The following FAM135B variants were observed in gnomAD, a reference collection of about 807,000 sequenced individuals.
The protein encoded by FAM135B is family with sequence similarity 135 member B, also known as protein FAM135B.
Under a neutral mutation model 127.7 loss-of-function variants are expected in FAM135B, and 43 were observed. That is an observed-to-expected ratio of 0.34 (90% CI 0.26 to 0.43). The LOEUF is 0.43. Ranked by LOEUF, FAM135B falls within the 20% of genes least tolerant of loss-of-function variation. The pLI is 1.00. For missense variants in FAM135B, 1,558 were observed against 1,725.6 expected (o/e 0.90, Z 1.72); for synonymous variants, 670 against 665.1 (o/e 1.01, Z -0.11).
At chr8:138,359,963 T>G (rs1830318435) in intron 2 of FAM135B, among the ~76,000 whole-genome samples, 1 of 152,160 alleles carries the variant, frequency 6.6e-6, no homozygotes, top group Non-Finnish European at 1.5e-5. Context: ...CACTTTTACA[T>G]CAGCTCTGAT....
chr8:138,197,471 C>T (rs2131134794), intron 8 of FAM135B, 45 bp downstream of exon 8: 1 of 1,590,574 alleles, frequency 6.3e-7, no homozygotes, highest in Non-Finnish European at 8.6e-7. Context: ...GTGGAGGAGG[C>T]ACATGAGCTG....
At chr8:138,173,014 C>T (rs2130935645) in intron 11 of FAM135B, among the ~76,000 whole-genome samples, 1 of 152,270 alleles carries the variant, frequency 6.6e-6, no homozygotes, top group Non-Finnish European at 1.5e-5. Context: ...CACATGGTCA[C>T]CTCCTCATCT....
chr8:138,153,003 T>C lies in FAM135B; in HGVS notation c.1472A>G (p.His491Arg), dbSNP rs1463062717. Residue 491 changes from histidine (H) to arginine (R), a missense_variant, in exon 13 of 20, where the codon CAT becomes CGT. Around this residue, in one of 5 missense-constraint regions of FAM135B, gnomAD observed 923 missense variants for 865.3 expected, o/e 1.07. Transcript: ENST00000395297. ...CTGAGATTCAGAGCACATGTCCATA[T>C]GATTTTGTGTGGCCACATTCTCACC... ...EPGENVATQN[H>R]MDMCSESQVY... The C allele has an allele frequency of 6.2e-7, 1 of 1,614,236 alleles. No homozygotes were observed. Among genetic ancestry groups the C allele is most frequent in the South Asian group, 1.1e-5 (1 of 91,088 alleles).
At chr8:138,178,334 A>G (rs908482143) in intron 10 of FAM135B, among the ~76,000 whole-genome samples, 1 of 152,192 alleles carries the variant, frequency 6.6e-6, no homozygotes, top group African/African-American at 2.4e-5. Flanking sequence ...TGAGATTGCC[A>G]AGGCAAGTAT....
intron 4 of FAM135B, among the ~76,000 whole-genome samples, chr8:138,265,064 C>T (rs574767346): frequency 1.6e-4 from 24 of 152,094 alleles, no homozygotes; most frequent in Admixed American, 3.3e-4. Flanking sequence ...ATCAAGTTTC[C>T]AACTAATAAA....
At chr8:138,335,662 C>A (rs1828522593) in intron 2 of FAM135B, among the ~76,000 whole-genome samples, 1 of 152,278 alleles carries the variant, frequency 6.6e-6, no homozygotes, top group Admixed American at 6.5e-5. Context: ...TAATGGGAGA[C>A]TTTAACACCC....
chr8:138,327,448 A>T (rs1827871009), intron 2 of FAM135B, among the ~76,000 whole-genome samples: 1 of 152,208 alleles, frequency 6.6e-6, no homozygotes, highest in Non-Finnish European at 1.5e-5. Flanking sequence ...AATATTCTCA[A>T]AATTTGTCAA....
At chr8:138,357,384 T>C (rs1490454634) in intron 2 of FAM135B, among the ~76,000 whole-genome samples, 1 of 152,184 alleles carries the variant, frequency 6.6e-6, no homozygotes, top group Non-Finnish European at 1.5e-5. Flanking sequence ...TGTAGGGTTA[T>C]TGAAAATGTT....
chr8:138,473,830 C>CAG (rs35738290), intron 1 of FAM135B, among the ~76,000 whole-genome samples: 1,784 of 148,288 alleles, frequency 0.012, 23 homozygotes, highest in African/African-American at 0.039. Flanking sequence ...ATATGAGAGA[C>CAG]AGAGAGAGAG....
chr8:138,462,822 A>G (rs1287661222), intron 1 of FAM135B, among the ~76,000 whole-genome samples: 2 of 152,184 alleles, frequency 1.3e-5, no homozygotes, highest in African/African-American at 2.4e-5. Flanking sequence ...TCCAGAGAAA[A>G]TCTGAAGCTG....
chr8:138,447,503 A>T (rs1836246241), intron 1 of FAM135B, among the ~76,000 whole-genome samples: 1 of 152,168 alleles, frequency 6.6e-6, no homozygotes, highest in Non-Finnish European at 1.5e-5. Context: ...TGTCCTTCGT[A>T]GGGACATGGA....
intron 12 of FAM135B, among the ~76,000 whole-genome samples, chr8:138,155,616 G>T (rs1337872827): frequency 6.6e-6 from 1 of 151,446 alleles, no homozygotes. Context: ...CCAAGCAAAT[G>T]GAAAACAAAA....
chr8:138,244,665 G>A lies in FAM135B; in HGVS notation c.543-1597C>T, dbSNP rs1821145312. Among the ~76,000 whole-genome samples the A allele has an allele frequency of 2.0e-5, 3 of 152,212 alleles. No homozygotes were observed. The South Asian group carries it at 6.2e-4, about 32-fold the overall frequency. Reference sequence around the variant, plus strand: ...AACTCTCTAATTTAGCTATAAGATGGATAGAAGGAACATTCCAGAAGAAAA... The same window carrying A: ...AACTCTCTAATTTAGCTATAAGATGAATAGAAGGAACATTCCAGAAGAAAA... On this transcript the variant is annotated intron_variant, in intron 6 of 19. Coordinates refer to ENST00000395297, the MANE Select transcript of FAM135B (RefSeq NM_015912.4).
At chr8:138,283,090 G>A (rs796619354) in intron 3 of FAM135B, among the ~76,000 whole-genome samples, 4 of 152,034 alleles carry the variant, frequency 2.6e-5, no homozygotes, top group South Asian at 2.1e-4. Context: ...TAGTAGAGAC[G>A]GGGTTTCACC....
At chr8:138,342,060 G>T (rs180786990) in intron 2 of FAM135B, among the ~76,000 whole-genome samples, 10 of 152,284 alleles carry the variant, frequency 6.6e-5, no homozygotes, top group Admixed American at 6.5e-4. Context: ...ATTACTGCTA[G>T]AAACACCTAC....
chr8:138,495,457 C>A (rs1033564397), intron 1 of FAM135B, among the ~76,000 whole-genome samples: 3 of 152,180 alleles, frequency 2.0e-5, no homozygotes, highest in Non-Finnish European at 4.4e-5. Context: ...CAAATCACAT[C>A]CCCTTGGGTA....
intron 9 of FAM135B, among the ~76,000 whole-genome samples, chr8:138,194,998 A>G (rs919348396): frequency 3.3e-5 from 5 of 152,248 alleles, no homozygotes; most frequent in African/African-American, 1.2e-4. Context: ...ATGGACAAAT[A>G]CATATGTGTA....
At chr8:138,377,925 A>G (rs1831592467) in intron 1 of FAM135B, among the ~76,000 whole-genome samples, 1 of 152,224 alleles carries the variant, frequency 6.6e-6, no homozygotes, top group Non-Finnish European at 1.5e-5. Context: ...ATATCTGCTC[A>G]GTGTTCCAGG....
chr8:138,362,026 C>T (rs552874296), intron 2 of FAM135B, among the ~76,000 whole-genome samples: 2 of 152,108 alleles, frequency 1.3e-5, no homozygotes, highest in South Asian at 4.2e-4. Flanking sequence ...ATTTATGGGG[C>T]ACATAAGATG....
Sources: allele counts gnomAD v4.1 joint callset (sites outside exome capture counted in the v4.1 genomes callset), GRCh38; gene constraint gnomAD v4.1.1; regional missense constraint gnomAD v4.1.1; transcripts MANE v1.5; gene names NCBI Gene and HGNC (gene_info 2026-07-23, HGNC 2026-07-21).